TNR: variants seen among roughly 807,000 people sequenced by gnomAD.
TNR encodes the protein tenascin-R.
Under a neutral mutation model 150.4 loss-of-function variants are expected in TNR, and 45 were observed. The ratio of observed to expected loss-of-function variants is 0.30; its 90% CI spans 0.24 to 0.38. The LOEUF (loss-of-function observed/expected upper bound fraction) is 0.38. Among genes scored for constraint, TNR ranks in the 10% least tolerant of loss-of-function variants. TNR has a pLI of 1.00. For missense variants in TNR, 1,544 were observed against 1,759.1 expected, an observed-to-expected ratio of 0.88 and a Z score of 2.19; for synonymous variants, 687 against 678.4, an observed-to-expected ratio of 1.01 and a Z score of -0.20.
chr1:175,618,815 G>C (rs1331897213), intron 1 of TNR, among the ~76,000 whole-genome samples: 2 of 152,212 alleles, frequency 1.3e-5, no homozygotes, highest in African/African-American at 2.4e-5. Flanking sequence ...GACTATTGGA[G>C]CTTCTACTTT....
chr1:175,438,011 C>T (rs762394917), intron 2 of TNR, among the ~76,000 whole-genome samples: 14 of 152,150 alleles, frequency 9.2e-5, no homozygotes, highest in East Asian at 1.9e-4. Flanking sequence ...AGAGGGAATC[C>T]GCCCTAACTC....
intron 2 of TNR, among the ~76,000 whole-genome samples, chr1:175,438,829 ACTT>A (rs1185309946): frequency 6.6e-6 from 1 of 152,216 alleles, no homozygotes; most frequent in African/African-American, 2.4e-5. Context: ...GATGTGAAGG[ACTT>A]CTTCAAGGAG....
rs1327842866 is a variant in TNR, at chr1:175,365,959, C to G, written c.2233G>C (p.Glu745Gln). The G allele has an allele frequency of 1.2e-6, 2 of 1,614,144 alleles. No homozygotes were observed. Among genetic ancestry groups the G allele is most frequent in the Non-Finnish European group, 8.5e-7 (1 of 1,180,014 alleles). ...DRTSYTLTDL[E>Q]PGAEYIISVT... Reference sequence around the variant, plus strand: ...GAAATGATGTACTCTGCCCCAGGCTCTAGATCTGTTAGTGTGTATGAGGTC... The same window carrying G: ...GAAATGATGTACTCTGCCCCAGGCTGTAGATCTGTTAGTGTGTATGAGGTC... The change falls in exon 11 of 23, where the codon GAG becomes CAG. Residue 745 changes from glutamate (E) to glutamine (Q), a missense_variant. By Grantham distance (29) the Glu-to-Gln change is conservative. Around this residue, in one of 2 missense-constraint regions of TNR, gnomAD observed 1,254 missense variants for 1,329.4 expected, o/e 0.94. Transcript: ENST00000367674.
At chr1:175,416,851 AC>A (rs1268536230) in intron 2 of TNR, among the ~76,000 whole-genome samples, 4 of 152,080 alleles carry the variant, frequency 2.6e-5, no homozygotes, top group Non-Finnish European at 5.9e-5. Flanking sequence ...TACTAAAAAT[AC>A]AAAAAATTAG....
intron 1 of TNR, among the ~76,000 whole-genome samples, chr1:175,562,600 C>A (rs1661474691): frequency 1.3e-5 from 2 of 152,230 alleles, no homozygotes; most frequent in South Asian, 4.1e-4. Context: ...CCAAGGAATT[C>A]TTGCAGAAAT....
chr1:175,647,226 C>T (rs565403937), intron 1 of TNR, among the ~76,000 whole-genome samples: 42 of 152,256 alleles, frequency 2.8e-4, no homozygotes, highest in African/African-American at 9.9e-4. Context: ...AAAGGAGCAT[C>T]GTGTTTTCTT....
At chr1:175,656,141 AGTGTGTGTGTGTGT>A (rs575020723) in intron 1 of TNR, among the ~76,000 whole-genome samples, 1,452 of 123,936 alleles carry the variant, frequency 0.012, 31 homozygotes, top group East Asian at 0.065. Context: ...GGAAGGTTGA[AGTGTGTGTGTGTGT>A]GTGTGTGTGT....
At chr1:175,400,970 C>T (rs978746683) in intron 4 of TNR, among the ~76,000 whole-genome samples, 2 of 152,176 alleles carry the variant, frequency 1.3e-5, no homozygotes, top group Non-Finnish European at 2.9e-5. Context: ...TCTAGGGTTG[C>T]TATAGAAACA....
rs146020784 is a variant in TNR, at chr1:175,673,286, G to A, written c.-165+69940C>T. ...ATTAGAGAATGGATGAAACAATGGA[G>A]AGCCAGCACCAAGCATGTTCATTTG... is the stretch of plus-strand genomic sequence containing the variant. On this transcript the variant is annotated intron_variant, in intron 1 of 22. Coordinates refer to ENST00000367674, the MANE Select transcript of TNR (RefSeq NM_003285.3). 6.8e-4 allele frequency among the ~76,000 whole-genome samples: 104 copies of A among 152,340 alleles called. 1 individual carries two copies. The highest frequency in any genetic ancestry group is 1.8e-3 in the Admixed American group (28 of 15,300).
At chr1:175,443,672 G>C (rs1655897321) in intron 2 of TNR, among the ~76,000 whole-genome samples, 1 of 152,126 alleles carries the variant, frequency 6.6e-6, no homozygotes, top group Non-Finnish European at 1.5e-5. Flanking sequence ...AAAGAGACTT[G>C]TTTTGGCCTT....
chr1:175,568,262 T>C (rs1048027660), intron 1 of TNR, among the ~76,000 whole-genome samples: 4 of 152,212 alleles, frequency 2.6e-5, no homozygotes, highest in African/African-American at 9.6e-5. Context: ...AGTATGATGA[T>C]GGATCACTGC....
rs140506984 is a variant in TNR, at chr1:175,523,269, G to A, written c.-64+5000C>T. On this transcript the variant is annotated intron_variant, in intron 2 of 22. Transcript: ENST00000367674. ...ACTGCAAAGGTAGTGGGGCATTGTG[G>A]GATAACAAAAATAATGTGAAAAATA... 2.6e-3 allele frequency among the ~76,000 whole-genome samples: 400 copies of A among 152,090 alleles called. 1 individual carries two copies. Among genetic ancestry groups the A allele is most frequent in the African/African-American group, 9.3e-3 (386 of 41,468 alleles).
intron 1 of TNR, among the ~76,000 whole-genome samples, chr1:175,547,319 G>C (rs183219513): frequency 6.9e-6 from 1 of 144,086 alleles, no homozygotes. Context: ...TGGGACTGTC[G>C]CCACCCTCCT....
intron 1 of TNR, among the ~76,000 whole-genome samples, chr1:175,681,020 G>T (rs961922254): frequency 6.6e-6 from 1 of 152,156 alleles, no homozygotes; most frequent in African/African-American, 2.4e-5. Context: ...TTGTATGAAA[G>T]CACCTAGAGC....
At chr1:175,709,883 G>T (rs1306780365) in intron 1 of TNR, among the ~76,000 whole-genome samples, 1 of 151,878 alleles carries the variant, frequency 6.6e-6, no homozygotes, top group Non-Finnish European at 1.5e-5. Flanking sequence ...AGAGCTCAAG[G>T]ACTATCAGGT....
chr1:175,482,239 C>T (rs1038648843), intron 2 of TNR, among the ~76,000 whole-genome samples: 1 of 152,208 alleles, frequency 6.6e-6, no homozygotes, highest in Non-Finnish European at 1.5e-5. Context: ...TCCAAGATGA[C>T]CGCATTAATC....
rs80223727 is a variant in TNR, at chr1:175,426,357, C to T, written c.-63-19580G>A. Among the ~76,000 whole-genome samples, 844 of 152,224 alleles carry T rather than the reference C, an allele frequency of 5.5e-3. 11 individuals are homozygous for T. The highest frequency in any genetic ancestry group is 0.018 in the African/African-American group (765 of 41,538). ...CGTTTGCTCCCCTGCCTGAATCTAC[C>T]GGGGCTGCAGTAGTCCACTGTAGGT... On this transcript the variant is annotated intron_variant, in intron 2 of 22. Transcript: ENST00000367674.
At chr1:175,617,524 A>T (rs1489642744) in intron 1 of TNR, among the ~76,000 whole-genome samples, 3 of 152,204 alleles carry the variant, frequency 2.0e-5, no homozygotes, top group African/African-American at 7.2e-5. Context: ...GGATTCTTGC[A>T]TCGGGATGGC....
chr1:175,596,473 C>A (rs1179323528), intron 1 of TNR, among the ~76,000 whole-genome samples: 1 of 152,172 alleles, frequency 6.6e-6, no homozygotes, highest in African/African-American at 2.4e-5. Flanking sequence ...GTGGGCTCTT[C>A]TGCTACTCAA....
Sources: allele counts gnomAD v4.1 joint callset (sites outside exome capture counted in the v4.1 genomes callset), GRCh38; gene constraint gnomAD v4.1.1; regional missense constraint gnomAD v4.1.1; transcripts MANE v1.5; gene names NCBI Gene and HGNC (gene_info 2026-07-23, HGNC 2026-07-21).